The following SYT14 variants were observed in gnomAD, a reference collection of about 807,000 sequenced individuals.
SYT14 encodes synaptotagmin-14.
SYT14 carries 32 observed loss-of-function variants against 74.2 expected under a neutral mutation model. The ratio of observed to expected loss-of-function variants is 0.43; its 90% CI spans 0.33 to 0.58. The LOEUF is 0.58. Ranked by LOEUF, SYT14 falls within the 20% of genes least tolerant of loss-of-function variation. The pLI is 0.05. For missense variants in SYT14, 791 were observed against 981.8 expected, an observed-to-expected ratio of 0.81 and a Z score of 2.60; for synonymous variants, 298 against 337.7, an observed-to-expected ratio of 0.88 and a Z score of 1.29.
intron 1 of SYT14, among the ~76,000 whole-genome samples, 186 bp downstream of exon 1, chr1:209,938,463 C>A (rs548980185): frequency 1.4e-3 from 206 of 151,864 alleles, no homozygotes; most frequent in Admixed American, 3.9e-3. Context: ...GCTGGGACGC[C>A]GGGCCCGACT....
chr1:210,137,766 C>T (rs1462170015), intron 7 of SYT14, among the ~76,000 whole-genome samples: 1 of 151,748 alleles, frequency 6.6e-6, no homozygotes, highest in African/African-American at 2.4e-5. Context: ...CTGCAACCTC[C>T]GCCTCCTGGG....
At position 209,990,821 on chromosome 1, in the gene SYT14, G is replaced by C. The variant is rs1037982291; in HGVS notation, c.-485-22812G>C. 2.0e-5 allele frequency among the ~76,000 whole-genome samples: 3 copies of C among 151,488 alleles called. No homozygotes were observed. The South Asian group carries it at 6.3e-4, about 32-fold the overall frequency. ...TCTTTCACATTCTTGTCATTTCCTC[G>C]TTAGAAAAAGCTTTGTCAGATTGGT... On this transcript the variant is annotated intron_variant, in intron 2 of 9. Coordinates refer to ENST00000637265, the Ensembl canonical transcript of SYT14.
At chr1:209,990,357 T>G (rs2079642715) in intron 2 of SYT14, among the ~76,000 whole-genome samples, 1 of 151,380 alleles carries the variant, frequency 6.6e-6, no homozygotes, top group African/African-American at 2.4e-5. Flanking sequence ...ACTGAAAAAC[T>G]TCTCAACTTT....
chr1:210,008,243 T>G (rs1163566999), intron 2 of SYT14, among the ~76,000 whole-genome samples: 5 of 152,236 alleles, frequency 3.3e-5, no homozygotes, highest in African/African-American at 7.2e-5. Context: ...ATTAAAACTT[T>G]GCAAATTTGG....
At chr1:210,076,513 A>T (rs1572257907) in intron 5 of SYT14, among the ~76,000 whole-genome samples, 1 of 152,232 alleles carries the variant, frequency 6.6e-6, no homozygotes, top group African/African-American at 2.4e-5. Context: ...CCTTTCATAT[A>T]AATGGAACAA....
At chr1:210,059,417 G>C (rs2081159609) in intron 5 of SYT14, among the ~76,000 whole-genome samples, 1 of 97,336 alleles carries the variant, frequency 1.0e-5, no homozygotes, top group Non-Finnish European at 1.9e-5. Context: ...TATGCATGAT[G>C]ACAAGAAAGA....
At chr1:210,113,675 G>A (rs2102588405) in intron 7 of SYT14, among the ~76,000 whole-genome samples, 1 of 151,080 alleles carries the variant, frequency 6.6e-6, no homozygotes, top group African/African-American at 2.5e-5. Flanking sequence ...TGGGGAGATA[G>A]AAGGGGAGGA....
At chr1:209,995,756 C>CA (rs1393552146) in intron 2 of SYT14, among the ~76,000 whole-genome samples, 1 of 151,884 alleles carries the variant, frequency 6.6e-6, no homozygotes, top group African/African-American at 2.4e-5. Context: ...TCAGTAAATT[C>CA]AAAAAAACTC....
intron 2 of SYT14, among the ~76,000 whole-genome samples, chr1:209,961,438 A>G (rs766632784): frequency 3.3e-5 from 5 of 152,158 alleles, no homozygotes; most frequent in East Asian, 3.8e-4. Flanking sequence ...GAAAGAGTAC[A>G]TGATTATGAA....
At chr1:209,985,742 T>C (rs1002880404) in intron 2 of SYT14, among the ~76,000 whole-genome samples, 3 of 152,222 alleles carry the variant, frequency 2.0e-5, no homozygotes, top group Non-Finnish European at 4.4e-5. Flanking sequence ...CTAAACATCT[T>C]TGAAATCTAG....
intron 7 of SYT14, among the ~76,000 whole-genome samples, chr1:210,107,028 A>C (rs559755900): frequency 6.6e-6 from 1 of 152,342 alleles, no homozygotes; most frequent in East Asian, 1.9e-4. Flanking sequence ...AAATTGGCCA[A>C]AACAAAGGGG....
chr1:210,139,937 T>G (rs1454224274), intron 7 of SYT14, among the ~76,000 whole-genome samples: 1 of 152,212 alleles, frequency 6.6e-6, no homozygotes, highest in Non-Finnish European at 1.5e-5. Flanking sequence ...TATGAACATT[T>G]GTGTACAAGT....
At chr1:210,084,599 G>A (rs1481507777) in intron 5 of SYT14, among the ~76,000 whole-genome samples, 3 of 152,206 alleles carry the variant, frequency 2.0e-5, no homozygotes, top group East Asian at 1.9e-4. Flanking sequence ...AGAGCAGATC[G>A]TGGCATAGAA....
At chr1:210,065,063 T>G (rs915629283) in intron 5 of SYT14, among the ~76,000 whole-genome samples, 1 of 152,136 alleles carries the variant, frequency 6.6e-6, no homozygotes, top group Non-Finnish European at 1.5e-5. Flanking sequence ...TAGCCACTTG[T>G]CTATCTTCTT....
At chr1:209,975,275 G>A (rs561431907) in intron 2 of SYT14, among the ~76,000 whole-genome samples, 3 of 152,278 alleles carry the variant, frequency 2.0e-5, no homozygotes, top group African/African-American at 4.8e-5. Flanking sequence ...GGGCATCCCT[G>A]TCTTGTGTCA....
At chr1:210,073,029 T>G (rs1470552836) in intron 5 of SYT14, among the ~76,000 whole-genome samples, 1 of 151,762 alleles carries the variant, frequency 6.6e-6, no homozygotes, top group African/African-American at 2.4e-5. Context: ...AAAAAAAATC[T>G]TGTATTGCAT....
chr1:210,132,540 A>C (rs1240486539), intron 7 of SYT14, among the ~76,000 whole-genome samples: 1 of 150,540 alleles, frequency 6.6e-6, no homozygotes, highest in Non-Finnish European at 1.5e-5. Context: ...CCCTCTATAA[A>C]GTCTAAGATG....
chr1:210,041,217 G>A (rs1233977675), intron 5 of SYT14, among the ~76,000 whole-genome samples: 2 of 152,186 alleles, frequency 1.3e-5, no homozygotes, highest in African/African-American at 4.8e-5. Context: ...GAGTTTAACA[G>A]CAGTCCCTAC....
At chr1:209,973,857 T>C (rs1166766047) in intron 2 of SYT14, among the ~76,000 whole-genome samples, 2 of 152,166 alleles carry the variant, frequency 1.3e-5, no homozygotes, top group Admixed American at 6.5e-5. Flanking sequence ...TTTCTCCACA[T>C]CCTCTCCAGC....
Sources: gnomAD v4.1 joint callset for allele counts (sites outside exome capture counted in the v4.1 genomes callset) on GRCh38, gnomAD v4.1.1 for gene constraint, MANE v1.5 for transcripts, NCBI Gene and HGNC (gene_info 2026-07-23, HGNC 2026-07-21) for gene names.